Variants in PCDH12 observed in about 807,000 individuals in gnomAD.
The protein encoded by PCDH12 is protocadherin-12.
Under a neutral mutation model 70.9 loss-of-function variants are expected in PCDH12, and 45 were observed. That is an observed-to-expected ratio of 0.63 (90% CI 0.50 to 0.81). PCDH12 has a LOEUF of 0.81. Among genes scored for constraint, PCDH12 ranks in the 40% least tolerant of loss-of-function variants. The pLI is 0.00. For synonymous variants in PCDH12, 567 were observed against 626.0 expected, an observed-to-expected ratio of 0.91 and a Z score of 1.41; for missense variants, 1,370 against 1,491.7, an observed-to-expected ratio of 0.92 and a Z score of 1.34.
intron 2 of PCDH12, among the ~76,000 whole-genome samples, chr5:141,950,682 T>C (rs1753063263): frequency 6.6e-6 from 1 of 152,104 alleles, no homozygotes. Flanking sequence ...TCACCATCCT[T>C]GTAAAAAGAA....
At position 141,949,536 on chromosome 5, in the gene PCDH12, T is replaced by C; in HGVS notation, c.3026A>G (p.Gln1009Arg). Residue 1009 changes from glutamine to arginine, a missense_variant, in exon 3 of 4, where the codon CAG (glutamine) becomes CGG (arginine). Gln to Arg is a conservative substitution (Grantham distance 43). Transcript: ENST00000231484. ...CCCTTCCTCCTGTTCTGGGTCTGTC[T>C]GGCCTCCAGCCCTTGCACTTGGGCC... is the stretch of plus-strand genomic sequence containing the variant. ...TDGPSARAGG[Q>R]TDPEQEEGPL... The C allele has an allele frequency of 6.2e-7, 1 of 1,614,246 alleles. No homozygotes were observed. Among genetic ancestry groups the C allele is most frequent in the Non-Finnish European group, 8.5e-7 (1 of 1,180,028 alleles).
chr5:141,954,601 C>T (rs1372986904), intron 1 of PCDH12, among the ~76,000 whole-genome samples: 2 of 152,178 alleles, frequency 1.3e-5, no homozygotes, highest in East Asian at 3.8e-4. Flanking sequence ...CCCAGGTAAC[C>T]TTGCCCAAAG....
chr5:141,955,405 A>G lies in PCDH12; in HGVS notation c.2447T>C (p.Phe816Ser), dbSNP rs938941951. 4.3e-6 allele frequency: 7 copies of G among 1,613,904 alleles called. No homozygotes were observed. The Admixed American group carries it at 1.0e-4, about 23-fold the overall frequency. ...CCTGTACAGGGTCGGGGTGAGGTGGAAGGGGGCCTGCAGGCAGGGGTCCCA... is the reference window on the plus strand; with the variant it reads ...CCTGTACAGGGTCGGGGTGAGGTGGGAGGGGGCCTGCAGGCAGGGGTCCCA... ...AGWDPCLQAP[F>S]HLTPTLYRTL... is the part of the protein sequence containing the mutation. The change falls in exon 1 of 4, where the codon TTC becomes TCC. Residue 816 changes from phenylalanine (F) to serine (S), a missense_variant. Physicochemically the swap from Phe to Ser is radical, Grantham distance 155. Coordinates refer to ENST00000231484, the MANE Select transcript of PCDH12 (RefSeq NM_016580.4). This position sits in a 1 kb window ranked among gnomAD's most constrained non-coding sequence, Gnocchi z 5.5.
intron 1 of PCDH12, 47 bp from the exon 2 acceptor site, chr5:141,951,637 C>T (rs771764557): frequency 3.0e-6 from 4 of 1,331,878 alleles, no homozygotes; most frequent in Non-Finnish European, 2.2e-6. Flanking sequence ...TCCGACTCAG[C>T]ACACTTCCTC....
chr5:141,946,308 A>C (rs1389961746), intron 3 of PCDH12, among the ~76,000 whole-genome samples: 1 of 152,204 alleles, frequency 6.6e-6, no homozygotes, highest in Non-Finnish European at 1.5e-5. Flanking sequence ...TGAGCAATTT[A>C]CATAATTATT....
Position 141,945,268 on chromosome 5 carries a change from C to T in PCDH12, c.*113G>A, listed in dbSNP as rs1752878043. The T allele has an allele frequency of 1.5e-6, 2 of 1,330,166 alleles. No individual in the cohort carries two copies. Among genetic ancestry groups the T allele is most frequent in the East Asian group, 2.3e-5 (1 of 43,394 alleles). The allele number at this position is 1,330,166 out of a possible 1,614,324, so 82.4% of individuals were successfully genotyped here. A position where few individuals can be genotyped will look rare whatever the true frequency, so the allele number is the denominator to read the frequency against. ...CCTCTGTGGGGGTAGCATCAGTCAC[C>T]CTAAAGTTCTCAGGCCGCCGCTAGC... On this transcript the variant is annotated 3_prime_UTR_variant, in exon 4 of 4. Transcript: ENST00000231484.
Position 141,949,581 on chromosome 5 carries a change from C to T in PCDH12, c.2981G>A (p.Ser994Asn). ...KYLAKPGGSRSAIPDTDGPSA... is the reference protein window; with the variant it reads ...KYLAKPGGSRNAIPDTDGPSA... ...TGGGCCATCTGTGTCTGGGATTGCA[C>T]TCCTGCAAAAGAAACCAACCAGTCC... is the stretch of plus-strand genomic sequence containing the variant. Residue 994 changes from serine (S) to asparagine (N), a missense_variant and splice_region_variant, in exon 3 of 4, where the codon AGT becomes AAT. Physicochemically the swap from Ser to Asn is conservative, Grantham distance 46 (BLOSUM62 1). Coordinates refer to ENST00000231484, the MANE Select transcript of PCDH12 (RefSeq NM_016580.4). 6.2e-7 allele frequency: 1 copy of T among 1,613,092 alleles called. No individual in the cohort carries two copies. The highest frequency in any genetic ancestry group is 8.5e-7 in the Non-Finnish European group (1 of 1,179,620).
Position 141,956,352 on chromosome 5 carries a change from C to G in PCDH12, c.1500G>C (p.Gln500His). The G allele has an allele frequency of 6.2e-7, 1 of 1,614,212 alleles. No homozygotes were observed. Among genetic ancestry groups the G allele is most frequent in the Non-Finnish European group, 8.5e-7 (1 of 1,180,048 alleles). Residue 500 changes from glutamine to histidine, a missense_variant, in exon 1 of 4, where the codon CAG (glutamine) becomes CAC (histidine). Gln to His is a conservative substitution (Grantham distance 24). Transcript: ENST00000231484. ...CTACTAAGTGAGCAACTGGGGAGTC[C>G]TGGATGCGGTATGAGACTTTTCCAT... ...GINGKVSYRIQDSPVAHLVAI... is the reference protein window; with the variant it reads ...GINGKVSYRIHDSPVAHLVAI...
Position 141,958,130 on chromosome 5 carries a change from A to G in PCDH12, c.-279T>C. ...GTTGGTCCACTTCAGCAAATGATGG[A>G]CAAGAGCTGGTCTAAGAGGGACCTG... On this transcript the variant is annotated 5_prime_UTR_variant, in exon 1 of 4. Coordinates refer to ENST00000231484, the MANE Select transcript of PCDH12 (RefSeq NM_016580.4). 1 of 460,420 alleles carries G rather than the reference A, an allele frequency of 2.2e-6. No individual in the cohort carries two copies. Among genetic ancestry groups the G allele is most frequent in the Non-Finnish European group, 3.9e-6 (1 of 256,838 alleles). The allele number at this position is 460,420 out of a possible 1,614,324, so 28.5% of individuals were successfully genotyped here. A position where few individuals can be genotyped will look rare whatever the true frequency, so the allele number is the denominator to read the frequency against.
rs1171722997 is a variant in PCDH12, at chr5:141,957,738, C to T, written c.114G>A (p.Glu38=). 1.9e-6 allele frequency: 3 copies of T among 1,613,686 alleles called. No individual in the cohort carries two copies. Among genetic ancestry groups the T allele is most frequent in the Non-Finnish European group, 2.5e-6 (3 of 1,180,034 alleles). The change falls in exon 1 of 4, where the codon GAG becomes GAA. Residue 38 remains glutamate, a synonymous_variant. Coordinates refer to ENST00000231484, the MANE Select transcript of PCDH12 (RefSeq NM_016580.4). This position sits in a 1 kb window ranked among gnomAD's most constrained non-coding sequence, Gnocchi z 4.3. ...TTLTVKYQVS[E]EVPSGTVIGK... ...CGATCACTGTACCAGATGGCACTTCCTCTGACACTTGGTATTTCACCGTGA... is the reference window on the plus strand; with the variant it reads ...CGATCACTGTACCAGATGGCACTTCTTCTGACACTTGGTATTTCACCGTGA...
rs1302321939 is a variant in PCDH12, at chr5:141,955,302, G to A, written c.2550C>T (p.Phe850=). 6.2e-7 allele frequency: 1 copy of A among 1,614,108 alleles called. No homozygotes were observed. Among genetic ancestry groups the A allele is most frequent in the Non-Finnish European group, 8.5e-7 (1 of 1,180,050 alleles). The change falls in exon 1 of 4, where the codon TTC becomes TTT. Residue 850 remains phenylalanine, a synonymous_variant. Coordinates refer to ENST00000231484, the MANE Select transcript of PCDH12 (RefSeq NM_016580.4). The surrounding 1 kb of genome is among the most constrained non-coding windows in gnomAD (Gnocchi z 5.5). ...AGGCATTCCTCTGCCTGGGATGGTT[G>A]AAAAGGAGGTTGACCGTGTCTTGCA... ...EVLQDTVNLL[F]NHPRQRNASR...
Position 141,945,512 on chromosome 5 carries a change from A to G in PCDH12, c.3424T>C (p.Cys1142Arg). The G allele has an allele frequency of 6.2e-7, 1 of 1,613,706 alleles. No individual in the cohort carries two copies. Among genetic ancestry groups the G allele is most frequent in the East Asian group, 2.2e-5 (1 of 44,868 alleles). The part of the protein sequence containing the change: ...ASEALRRLSV[C>R]GRTLSLDLAT... ...AAGTCTAAACTGAGGGTCCTCCCGCAGACCGAGAGCCGCCGCAGCGCCTCG... is the reference window on the plus strand; with the variant it reads ...AAGTCTAAACTGAGGGTCCTCCCGCGGACCGAGAGCCGCCGCAGCGCCTCG... Residue 1142 changes from cysteine (C) to arginine (R), a missense_variant, in exon 4 of 4, where the codon TGC becomes CGC. Cys to Arg is a radical substitution (Grantham distance 180). Transcript: ENST00000231484.
At chr5:141,952,058 T>C (rs935599551) in intron 1 of PCDH12, among the ~76,000 whole-genome samples, 1 of 152,218 alleles carries the variant, frequency 6.6e-6, no homozygotes, top group Non-Finnish European at 1.5e-5. Context: ...GAATTATTCA[T>C]TTATTCATCT....
At chr5:141,952,205 G>A (rs1753097916) in intron 1 of PCDH12, among the ~76,000 whole-genome samples, 1 of 152,210 alleles carries the variant, frequency 6.6e-6, no homozygotes, top group Non-Finnish European at 1.5e-5. Flanking sequence ...CAGCCCCACA[G>A]GGAGGCTGGC....
Position 141,955,240 on chromosome 5 carries a change from G to T in PCDH12, c.2612C>A (p.Ala871Asp). Residue 871 changes from alanine (A) to aspartate (D), a missense_variant, in exon 1 of 4, where the codon GCC (alanine) becomes GAC (aspartate). Transcript: ENST00000231484. This position sits in a 1 kb window ranked among gnomAD's most constrained non-coding sequence, Gnocchi z 5.5. ...AGGCCTGGAACGTGGCTGGCCTGTG[G>T]CAGGCTGGGGCTCGGGAAGGTTCAG... is the stretch of plus-strand genomic sequence containing the variant. ...ENLNLPEPQPATGQPRSRPLK... is the reference protein window; with the variant it reads ...ENLNLPEPQPDTGQPRSRPLK... 6.2e-7 allele frequency: 1 copy of T among 1,614,256 alleles called. No homozygotes were observed. The highest frequency in any genetic ancestry group is 8.5e-7 in the Non-Finnish European group (1 of 1,180,048).
Position 141,951,567 on chromosome 5 carries a change from C to T in PCDH12, c.2904G>A (p.Leu968=). ...PVQQISQLLS[L]LHQGQFQPKP... Reference sequence around the variant, plus strand: ...TGGGCTGGAATTGGCCCTGATGCAGCAAGGACAGCAGCTGGGAGATTTGCT... The same window carrying T: ...TGGGCTGGAATTGGCCCTGATGCAGTAAGGACAGCAGCTGGGAGATTTGCT... Residue 968 remains leucine, a synonymous_variant, in exon 2 of 4, where the codon TTG becomes TTA. Transcript: ENST00000231484. 1.2e-6 allele frequency: 2 copies of T among 1,614,188 alleles called. No individual in the cohort carries two copies. Among genetic ancestry groups the T allele is most frequent in the South Asian group, 1.1e-5 (1 of 91,084 alleles).
In PCDH12 at chr5:141,957,782, A is replaced by G. The variant is rs1285751421; in HGVS notation, c.70T>C (p.Cys24Arg). The G allele has an allele frequency of 1.9e-6, 3 of 1,608,114 alleles. No individual in the cohort carries two copies. In the Admixed American group the frequency reaches 5.0e-5, roughly 27 times the overall value. The change falls in exon 1 of 4, where the codon TGT (cysteine) becomes CGT (arginine). Residue 24 changes from cysteine to arginine, a missense_variant. Cys to Arg is a radical substitution (Grantham distance 180, BLOSUM62 -3). Transcript: ENST00000231484. The surrounding 1 kb of genome is among the most constrained non-coding windows in gnomAD (Gnocchi z 4.3). ...ACCGTGAGAGTGGTCACCTCCTGAC[A>G]ATCCCCTAAAAGAAATAAGTAGCCA... ...PGGYLFLLGDCQEVTTLTVKY... is the reference protein window; with the variant it reads ...PGGYLFLLGDRQEVTTLTVKY...
intron 1 of PCDH12, among the ~76,000 whole-genome samples, 154 bp downstream of exon 1, chr5:141,954,818 A>G (rs1561535599): frequency 6.6e-6 from 1 of 152,254 alleles, no homozygotes; most frequent in Non-Finnish European, 1.5e-5. Context: ...CCGATCACAA[A>G]GCTGTGCCCT....
chr5:141,947,756 AATCTGAAGCAG>A (rs1424717710), intron 3 of PCDH12, among the ~76,000 whole-genome samples: 2 of 152,224 alleles, frequency 1.3e-5, no homozygotes, highest in African/African-American at 2.4e-5. Flanking sequence ...AATCTGAAGC[AATCTGAAGCAG>A]ATCTGAAGCA....
Sources: allele counts gnomAD v4.1 joint callset (sites outside exome capture counted in the v4.1 genomes callset), GRCh38; gene constraint gnomAD v4.1.1; non-coding constraint Gnocchi (gnomAD v3.1); transcripts MANE v1.5; gene names NCBI Gene and HGNC (gene_info 2026-07-23, HGNC 2026-07-21).